Variants in NANOS3 observed in about 807,000 individuals in gnomAD.
NANOS3 encodes the protein nanos homolog 3.
NANOS3 carries 11 observed loss-of-function variants against 13.8 expected under a neutral mutation model. The ratio of observed to expected loss-of-function variants is 0.80; its 90% CI spans 0.50 to 1.32. NANOS3 has a LOEUF of 1.32. NANOS3 is among the 40% of genes most tolerant of loss of function. The pLI is 0.00. For missense variants in NANOS3, 221 were observed against 263.8 expected, an observed-to-expected ratio of 0.84 and a Z score of 1.12; for synonymous variants, 119 against 115.4, an observed-to-expected ratio of 1.03 and a Z score of -0.20.
At chr19:13,872,376 G>A (rs1976341903), upstream of NANOS3, among the ~76,000 whole-genome samples, 3 of 150,310 alleles carry the variant, frequency 2.0e-5, no homozygotes, top group Non-Finnish European at 3.0e-5. Context: ...GAGAGAGAGA[G>A]ATGGGGGTCT....
upstream of NANOS3, among the ~76,000 whole-genome samples, chr19:13,873,287 G>T (rs2145073201): frequency 6.7e-6 from 1 of 149,610 alleles, no homozygotes; most frequent in African/African-American, 2.5e-5. Context: ...CGGGGGCGGG[G>T]CTCTCGGGGG....
At chr19:13,868,499 G>A (rs1052149068) in intron 1 of NANOS3, among the ~76,000 whole-genome samples, 2 of 151,796 alleles carry the variant, frequency 1.3e-5, no homozygotes, top group Admixed American at 6.6e-5. Context: ...CGAGGTGGCA[G>A]GATCACTTGA....
chr19:13,865,814 A>T (rs1412831443), intron 1 of NANOS3, among the ~76,000 whole-genome samples: 1 of 138,656 alleles, frequency 7.2e-6, no homozygotes, highest in African/African-American at 2.7e-5. Context: ...CGACCGCCCG[A>T]CACCTGACCG....
chr19:13,871,483 T>C (rs534841651), intron 1 of NANOS3, among the ~76,000 whole-genome samples: 7 of 152,338 alleles, frequency 4.6e-5, no homozygotes, highest in Admixed American at 1.3e-4. Context: ...CCCAGCTTCC[T>C]GGCCTTCAAG....
intron 1 of NANOS3, among the ~76,000 whole-genome samples, chr19:13,866,807 G>C (rs1047804326): frequency 3.3e-5 from 5 of 151,914 alleles, no homozygotes; most frequent in Admixed American, 6.6e-5. Flanking sequence ...GACACACACA[G>C]ACATCCATGT....
At chr19:13,875,885 T>G (rs1240883743), upstream of NANOS3, among the ~76,000 whole-genome samples, 3 of 152,080 alleles carry the variant, frequency 2.0e-5, no homozygotes, top group Non-Finnish European at 4.4e-5. Flanking sequence ...CGGCACAGCG[T>G]CTCTCCTCTG....
At chr19:13,878,324 T>C (rs1968561405) in intron 1 of NANOS3, among the ~76,000 whole-genome samples, 1 of 151,966 alleles carries the variant, frequency 6.6e-6, no homozygotes, top group Admixed American at 6.6e-5. Flanking sequence ...CTGCAACCTC[T>C]GCCTTCCGGG....
Position 13,868,578 on chromosome 19 carries a change from G to A in NANOS3, n.21+3141G>A, listed in dbSNP as rs532419258. Among the ~76,000 whole-genome samples, 7 of 151,862 alleles carry A rather than the reference G, an allele frequency of 4.6e-5. 1 individual carries two copies. Among genetic ancestry groups the A allele is most frequent in the African/African-American group, 1.7e-4 (7 of 41,434 alleles). On this transcript the variant is annotated intron_variant and non_coding_transcript_variant, in intron 1 of 2. Transcript: ENST00000591161. ...CGCCTATAGTCTCAGGTACTAGGGA[G>A]GCTGAGGCGGGAGGATCGCTTTGAG...
At chr19:13,873,286 G>A (rs1968432594), upstream of NANOS3, among the ~76,000 whole-genome samples, 1 of 150,870 alleles carries the variant, frequency 6.6e-6, no homozygotes, top group Admixed American at 6.6e-5. Flanking sequence ...TCGGGGGCGG[G>A]GCTCTCGGGG....
chr19:13,878,264 A>G (rs1377347641), intron 1 of NANOS3, among the ~76,000 whole-genome samples: 2 of 136,082 alleles, frequency 1.5e-5, no homozygotes, highest in East Asian at 4.6e-4. Flanking sequence ...CTTGAGACAG[A>G]GTCTCTTTCT....
At chr19:13,874,130 C>T (rs1445313014), upstream of NANOS3, among the ~76,000 whole-genome samples, 2 of 152,162 alleles carry the variant, frequency 1.3e-5, no homozygotes, top group Non-Finnish European at 2.9e-5. Context: ...CTGCCTCTCC[C>T]CTGTCTAGTG....
At chr19:13,869,927 C>T (rs529655755) in intron 1 of NANOS3, among the ~76,000 whole-genome samples, 3 of 152,244 alleles carry the variant, frequency 2.0e-5, no homozygotes, top group South Asian at 4.1e-4. Context: ...GACAGCTTGC[C>T]ACCTCCCACC....
chr19:13,876,169 T>C (rs1568365192), upstream of NANOS3, among the ~76,000 whole-genome samples: 1 of 151,992 alleles, frequency 6.6e-6, no homozygotes, highest in Admixed American at 6.5e-5. Context: ...GACAGAGTCT[T>C]ACTCTGTTTC....
chr19:13,862,335 G>A (rs1976170066), upstream of NANOS3: 1 of 152,182 alleles, frequency 6.6e-6, no homozygotes, highest in Non-Finnish European at 1.5e-5. Flanking sequence ...CGTGGAGTGG[G>A]AGGTGGCGGG....
At chr19:13,866,889 A>G (rs985798116) in intron 1 of NANOS3, among the ~76,000 whole-genome samples, 1 of 151,548 alleles carries the variant, frequency 6.6e-6, no homozygotes, top group South Asian at 2.1e-4. Context: ...ACACACACAT[A>G]CACACACACA....
rs571164730 is a variant in NANOS3, at chr19:13,869,797, CACAT to C, written n.21+4364_21+4367del. Among the ~76,000 whole-genome samples, 913 of 151,880 alleles carry C rather than the reference CACAT, an allele frequency of 6.0e-3. 5 individuals carry two copies. The highest frequency in any genetic ancestry group is 8.5e-3 in the South Asian group (41 of 4,802). On this transcript the variant is annotated intron_variant and non_coding_transcript_variant, in intron 1 of 2. Transcript: ENST00000591161. The stretch of plus-strand genomic sequence containing the variant: ...ACGCACACACACACACACACGCACA[CACAT>C]ACAGTTACATACAACACACAGACAC...
chr19:13,874,546 T>G (rs1003608890), upstream of NANOS3, among the ~76,000 whole-genome samples: 23 of 152,204 alleles, frequency 1.5e-4, no homozygotes, highest in African/African-American at 5.5e-4. Context: ...AGCATTTATA[T>G]TTGCCTTGTG....
chr19:13,864,936 T>C (rs1028807588), upstream of NANOS3, among the ~76,000 whole-genome samples: 150 of 152,002 alleles, frequency 9.9e-4, no homozygotes, highest in African/African-American at 3.3e-3. Context: ...CCGTTCCCTA[T>C]GTCTGTGGCC....
chr19:13,874,315 G>A (rs1013083759), upstream of NANOS3, among the ~76,000 whole-genome samples: 2 of 152,290 alleles, frequency 1.3e-5, no homozygotes, highest in South Asian at 4.1e-4. Context: ...ATGCCCTCGG[G>A]GCCAGGATCC....
Sources: gnomAD v4.1 joint callset for allele counts (sites outside exome capture counted in the v4.1 genomes callset) on GRCh38, gnomAD v4.1.1 for gene constraint, MANE v1.5 for transcripts, NCBI Gene and HGNC (gene_info 2026-07-23, HGNC 2026-07-21) for gene names.